Variants in DMD observed in about 807,000 individuals in gnomAD.
DMD encodes the protein mutant dystrophin.
Under a neutral mutation model 330.1 loss-of-function variants are expected in DMD, and 63 were observed. That is an observed-to-expected ratio of 0.19 (90% CI 0.16 to 0.24). The LOEUF is 0.24. Ranked by LOEUF, DMD falls within the 10% of genes least tolerant of loss-of-function variation. The probability of loss-of-function intolerance (pLI) is 1.00; values close to 1 mark genes in which losing one functional copy is unlikely to be tolerated. For missense variants in DMD, 3,344 were observed against 2,684.1 expected, an observed-to-expected ratio of 1.25 and a Z score of -5.43; for synonymous variants, 1,223 against 959.8, an observed-to-expected ratio of 1.27 and a Z score of -5.07.
intron 52 of DMD, among the ~76,000 whole-genome samples, chrX:31,721,506 T>A (rs774853768): frequency 9.2e-6 from 1 of 108,503 alleles, no homozygotes; most frequent in Non-Finnish European, 1.9e-5. Context: ...CTTCCCTTGG[T>A]CTCCATCCTG....
intron 29 of DMD, among the ~76,000 whole-genome samples, chrX:32,416,556 C>T (rs1485740747): frequency 8.9e-6 from 1 of 111,796 alleles, no homozygotes; most frequent in Non-Finnish European, 1.9e-5. Flanking sequence ...AACTAAATCC[C>T]AAATTCCAAT....
At position 32,709,261 on chromosome X, in the gene DMD, C is replaced by G. The variant is rs758254423; in HGVS notation, c.650-9968G>C. Among the ~76,000 whole-genome samples the G allele has an allele frequency of 3.6e-5, 4 of 111,195 alleles. No homozygotes were observed. The South Asian group carries it at 1.5e-3, about 42-fold the overall frequency. On this transcript the variant is annotated intron_variant, in intron 7 of 78. Coordinates refer to ENST00000357033, the MANE Select transcript of DMD (RefSeq NM_004006.3). ...GAAGTGAAGATAATCAAATGTGAAG[C>G]ATTGATGGAGAAAGGTACAAGTGAA...
intron 54 of DMD, among the ~76,000 whole-genome samples, chrX:31,628,997 T>C (rs1232239307): frequency 9.4e-6 from 1 of 105,987 alleles, no homozygotes; most frequent in Admixed American, 1.0e-4. Context: ...ATCTATATAA[T>C]AATAGCTTAG....
intron 1 of DMD, among the ~76,000 whole-genome samples, chrX:33,080,815 T>C (rs567568537): frequency 1.2e-4 from 14 of 112,103 alleles, no homozygotes; most frequent in Middle Eastern, 4.6e-3. Flanking sequence ...TTTCAAGATA[T>C]TTTACTTTAA....
chrX:31,367,466 A>AATT (rs1410894438), intron 60 of DMD, among the ~76,000 whole-genome samples: 1 of 110,826 alleles, frequency 9.0e-6, no homozygotes, highest in East Asian at 2.8e-4. Flanking sequence ...AGAAGACTAA[A>AATT]ATTAGATCCT....
chrX:31,453,405 G>A (rs767542190), intron 59 of DMD, among the ~76,000 whole-genome samples: 23 of 110,125 alleles, frequency 2.1e-4, no homozygotes, highest in Middle Eastern at 4.7e-3. Flanking sequence ...CAGGTGATCC[G>A]CCTGCCTTGG....
intron 44 of DMD, among the ~76,000 whole-genome samples, chrX:32,211,777 T>A (rs941641540): frequency 8.9e-6 from 1 of 111,941 alleles, no homozygotes; most frequent in African/African-American, 3.3e-5. Context: ...CTGGTCATTT[T>A]TAATATGGTT....
intron 62 of DMD, among the ~76,000 whole-genome samples, chrX:31,262,855 G>A (rs2050660357): frequency 8.9e-6 from 1 of 112,688 alleles, no homozygotes; most frequent in Admixed American, 9.3e-5. Context: ...AAAAAGTGTT[G>A]CTTGTTCTCA....
chrX:31,657,270 C>T (rs755922167), intron 54 of DMD, among the ~76,000 whole-genome samples: 2 of 111,865 alleles, frequency 1.8e-5, no homozygotes, highest in East Asian at 5.6e-4. Flanking sequence ...TATTATATCA[C>T]GTGGTTCAGG....
chrX:31,668,388 T>TATTA (rs1313175929), intron 53 of DMD, among the ~76,000 whole-genome samples: 1 of 111,071 alleles, frequency 9.0e-6, no homozygotes, highest in Non-Finnish European at 1.9e-5. Context: ...TTTTAGTTCT[T>TATTA]ATTAATATAT....
At chrX:32,631,412 T>C (rs1317492000) in intron 11 of DMD, among the ~76,000 whole-genome samples, 1 of 112,013 alleles carries the variant, frequency 8.9e-6, no homozygotes, top group Non-Finnish European at 1.9e-5. Context: ...TGTTTTTCAC[T>C]TCAGGGTAGC....
chrX:32,025,357 T>C (rs2147187993), intron 44 of DMD, among the ~76,000 whole-genome samples: 1 of 112,229 alleles, frequency 8.9e-6, no homozygotes, highest in South Asian at 3.7e-4. Flanking sequence ...CGCATGCGGC[T>C]TTTGAAATTT....
At chrX:32,490,952 G>A (rs772212119) in intron 20 of DMD, among the ~76,000 whole-genome samples, 9 of 111,347 alleles carry the variant, frequency 8.1e-5, no homozygotes, top group Non-Finnish European at 1.3e-4. Flanking sequence ...TGTTTCACTC[G>A]TCACAAAGAA....
At chrX:33,334,257 T>C (rs1407632314) in intron 1 of DMD, among the ~76,000 whole-genome samples, 1 of 111,902 alleles carries the variant, frequency 8.9e-6, no homozygotes, top group Non-Finnish European at 1.9e-5. Context: ...CATCTTTATC[T>C]GTTAGGCTGC....
intron 9 of DMD, among the ~76,000 whole-genome samples, chrX:32,689,098 C>A (rs775240807): frequency 9.0e-6 from 1 of 110,745 alleles, no homozygotes; most frequent in Admixed American, 9.6e-5. Flanking sequence ...TGCAGACACA[C>A]CTAGTGGAAT....
intron 42 of DMD, among the ~76,000 whole-genome samples, chrX:32,290,750 C>T (rs2097463702): frequency 9.0e-6 from 1 of 110,988 alleles, no homozygotes; most frequent in African/African-American, 3.3e-5. Flanking sequence ...GTTTAGTTTG[C>T]CTTTAAGAAG....
intron 51 of DMD, among the ~76,000 whole-genome samples, chrX:31,746,289 G>A (rs741934): frequency 0.2 from 22,637 of 110,642 alleles, 1,791 homozygotes; most frequent in East Asian, 0.46. Context: ...ATCTAGAGGC[G>A]ATTACACTCA....
rs937933948 is a variant in DMD at position 32,494,902 on chromosome X, G to C, written c.2381-3384C>G. Among the ~76,000 whole-genome samples the C allele has an allele frequency of 4.5e-5, 5 of 111,130 alleles. No homozygotes were observed. In the East Asian group the frequency reaches 1.4e-3, roughly 31 times the overall value. ...ATAACCAGGGATCCTTTGAGACCAG[G>C]AGTTCGAGGCTGCACTGAGCTATGA... On this transcript the variant is annotated intron_variant, in intron 19 of 78. Transcript: ENST00000357033.
chrX:32,573,105 G>A (rs888778420), intron 15 of DMD, among the ~76,000 whole-genome samples: 3 of 111,195 alleles, frequency 2.7e-5, no homozygotes, highest in African/African-American at 9.8e-5. Context: ...CCCAGTCCCA[G>A]TCTCAGGTAC....
Sources: gnomAD v4.1 joint callset for allele counts (sites outside exome capture counted in the v4.1 genomes callset) on GRCh38, gnomAD v4.1.1 for gene constraint, MANE v1.5 for transcripts, NCBI Gene and HGNC (gene_info 2026-07-23, HGNC 2026-07-21) for gene names.